TMEM266: variants seen among roughly 807,000 people sequenced by gnomAD.
TMEM266 encodes Hv1 related protein 1.
In TMEM266, 33 loss-of-function variants were observed where a neutral mutation model predicts 50.5. The observed-to-expected ratio is 0.65, with a 90% CI of 0.50 to 0.87. The LOEUF (loss-of-function observed/expected upper bound fraction) is 0.87, where lower values mean the gene tolerates loss of function less well. TMEM266 is among the 40% of genes least tolerant of loss of function. The pLI, the probability that TMEM266 is intolerant of heterozygous loss-of-function variation, is 0.00. For missense variants in TMEM266, 655 were observed against 695.1 expected (o/e 0.94, Z 0.65); for synonymous variants, 310 against 292.3 (o/e 1.06, Z -0.62).
chr15:76,195,951 T>G (rs555611211), intron 9 of TMEM266, among the ~76,000 whole-genome samples: 4 of 152,170 alleles, frequency 2.6e-5, no homozygotes, highest in Admixed American at 2.6e-4. Context: ...CTCCTGCTCC[T>G]CCTCTCTCTG....
intron 10 of TMEM266, 44 bp downstream of exon 10, chr15:76,202,308 C>T (rs770003297): frequency 9.7e-6 from 15 of 1,551,498 alleles, no homozygotes; most frequent in Admixed American, 1.8e-5. Flanking sequence ...ACAACCCCAG[C>T]AATCCCTAAA....
At chr15:76,148,702 T>C (rs2037793264) in intron 3 of TMEM266, among the ~76,000 whole-genome samples, 1 of 139,874 alleles carries the variant, frequency 7.1e-6, no homozygotes, top group African/African-American at 2.7e-5. Context: ...GGTTGCCAAG[T>C]GTATGGCAGT....
At chr15:76,072,307 G>A (rs1442742765) in intron 1 of TMEM266, among the ~76,000 whole-genome samples, 1 of 152,020 alleles carries the variant, frequency 6.6e-6, no homozygotes, top group East Asian at 2.0e-4. Context: ...GTGTGGTGGT[G>A]CATGCCTGTA....
chr15:76,062,234 A>G (rs1459174909), intron 1 of TMEM266, among the ~76,000 whole-genome samples: 3 of 152,248 alleles, frequency 2.0e-5, no homozygotes, highest in African/African-American at 2.4e-5. Flanking sequence ...AGTATATCCC[A>G]TGCAAATAAC....
chr15:76,067,665 GAA>G (rs1204309751), intron 1 of TMEM266, among the ~76,000 whole-genome samples: 5 of 139,142 alleles, frequency 3.6e-5, no homozygotes, highest in East Asian at 2.1e-4. Context: ...GAAAAGAAAA[GAA>G]AAGAAAAAGT....
chr15:76,198,534 G>A (rs1395475595), intron 9 of TMEM266, among the ~76,000 whole-genome samples: 1 of 152,220 alleles, frequency 6.6e-6, no homozygotes, highest in Non-Finnish European at 1.5e-5. Context: ...AACCAGGGTG[G>A]GCAGTGAGAC....
intron 9 of TMEM266, among the ~76,000 whole-genome samples, chr15:76,195,122 A>T (rs555822824): frequency 2.0e-5 from 3 of 152,198 alleles, no homozygotes; most frequent in Admixed American, 2.0e-4. Context: ...ACTTCTCTTC[A>T]TGCTTAGAAC....
intron 1 of TMEM266, chr15:76,113,861 A>G (rs937732683): frequency 6.6e-6 from 1 of 152,006 alleles, no homozygotes; most frequent in African/African-American, 2.4e-5. Context: ...GTGAGCTGAG[A>G]TCGTGCCACT....
intron 1 of TMEM266, among the ~76,000 whole-genome samples, chr15:76,086,858 T>G (rs2036783933): frequency 6.6e-6 from 1 of 151,346 alleles, no homozygotes; most frequent in Admixed American, 6.6e-5. Flanking sequence ...CCAGCCTGAT[T>G]GTTTGCAGGA....
At chr15:76,158,894 C>T (rs1008812506) in intron 4 of TMEM266, among the ~76,000 whole-genome samples, 1 of 152,208 alleles carries the variant, frequency 6.6e-6, no homozygotes, top group Non-Finnish European at 1.5e-5. Flanking sequence ...CCCCTGGCTA[C>T]GCTCTGTGAC....
chr15:76,073,309 T>C (rs2036563780), intron 1 of TMEM266, among the ~76,000 whole-genome samples: 2 of 151,400 alleles, frequency 1.3e-5, no homozygotes. Context: ...CTCGGCTCAC[T>C]GCAACCTCTG....
In TMEM266 at chr15:76,203,807, A is replaced by G; in HGVS notation, c.1088A>G (p.Asn363Ser). 6.2e-7 allele frequency: 1 copy of G among 1,614,184 alleles called. No homozygotes were observed. Among genetic ancestry groups the G allele is most frequent in the Non-Finnish European group, 8.5e-7 (1 of 1,180,018 alleles). Residue 363 changes from asparagine to serine, a missense_variant, in exon 11 of 11, where the codon AAC (asparagine) becomes AGC (serine). Physicochemically the swap from Asn to Ser is conservative, Grantham distance 46. Coordinates refer to ENST00000388942, the MANE Select transcript of TMEM266 (RefSeq NM_152335.3). ...GCCGCAATAGACATTCACCAGCCCA[A>G]CATCTCCTCGGACCTCTTCTCTCTG...
chr15:76,111,703 C>T (rs1312552207), intron 1 of TMEM266, among the ~76,000 whole-genome samples: 1 of 152,242 alleles, frequency 6.6e-6, no homozygotes, highest in African/African-American at 2.4e-5. Flanking sequence ...CCACCATGCC[C>T]GGCCAACACT....
chr15:76,120,334 C>G (rs2037320900), intron 1 of TMEM266, among the ~76,000 whole-genome samples: 1 of 151,978 alleles, frequency 6.6e-6, no homozygotes. Context: ...GTTTTACTAC[C>G]TGACTTGGGG....
At chr15:76,154,269 G>C (rs773164276) in intron 3 of TMEM266, among the ~76,000 whole-genome samples, 1 of 152,232 alleles carries the variant, frequency 6.6e-6, no homozygotes, top group Non-Finnish European at 1.5e-5. Flanking sequence ...TTTATGTGAA[G>C]TTGGGATGTA....
In TMEM266 at chr15:76,169,857, C is replaced by G; in HGVS notation, c.498C>G (p.Ile166Met). 1 of 1,613,724 alleles carries G rather than the reference C, an allele frequency of 6.2e-7. No homozygotes were observed. Among genetic ancestry groups the G allele is most frequent in the Non-Finnish European group, 8.5e-7 (1 of 1,179,816 alleles). Residue 166 changes from isoleucine to methionine, a missense_variant, in exon 6 of 11, where the codon ATC becomes ATG. Physicochemically the swap from Ile to Met is conservative, Grantham distance 10 (BLOSUM62 1). Coordinates refer to ENST00000388942, the MANE Select transcript of TMEM266 (RefSeq NM_152335.3). ...TGGTGCTTGGGATCTGGGATTACAT[C>G]GAAAACAAAATAGAGGTAAAGACCA... is the stretch of plus-strand genomic sequence containing the variant.
intron 5 of TMEM266, among the ~76,000 whole-genome samples, chr15:76,163,710 C>G (rs1164142273): frequency 2.0e-5 from 3 of 152,116 alleles, no homozygotes; most frequent in Non-Finnish European, 2.9e-5. Context: ...TGCAGCAGGG[C>G]CCAGTGCAGG....
chr15:76,111,575 T>C (rs1450423045), intron 1 of TMEM266, among the ~76,000 whole-genome samples: 1 of 151,700 alleles, frequency 6.6e-6, no homozygotes, highest in Non-Finnish European at 1.5e-5. Context: ...GCCCAGCTGA[T>C]TTTTGTATTT....
At chr15:76,136,625 C>T (rs1474428845) in intron 2 of TMEM266, among the ~76,000 whole-genome samples, 1 of 152,136 alleles carries the variant, frequency 6.6e-6, no homozygotes, top group Non-Finnish European at 1.5e-5. Context: ...ACAATTGTTC[C>T]TTTCTAACTC....
Sources: allele counts gnomAD v4.1 joint callset (sites outside exome capture counted in the v4.1 genomes callset), GRCh38; gene constraint gnomAD v4.1.1; transcripts MANE v1.5; gene names NCBI Gene and HGNC (gene_info 2026-07-23, HGNC 2026-07-21).